The following SCEL variants were observed in gnomAD, a reference collection of about 807,000 sequenced individuals.
SCEL encodes the protein sciellin.
A neutral mutation model predicts 117.6 loss-of-function variants in SCEL; 113 were observed. That is an observed-to-expected ratio of 0.96 (90% CI 0.83 to 1.12). The LOEUF (loss-of-function observed/expected upper bound fraction) is 1.12, where lower values mean the gene tolerates loss of function less well. SCEL is among the 50% of genes most tolerant of loss of function. The probability of loss-of-function intolerance (pLI) is 0.00; values close to 1 mark genes in which losing one functional copy is unlikely to be tolerated. For synonymous variants in SCEL, 270 were observed against 256.2 expected, an observed-to-expected ratio of 1.05 and a Z score of -0.51; for missense variants, 785 against 810.8, an observed-to-expected ratio of 0.97 and a Z score of 0.39.
At chr13:77,634,150 T>G (rs1321097115) in intron 28 of SCEL, among the ~76,000 whole-genome samples, 1 of 152,200 alleles carries the variant, frequency 6.6e-6, no homozygotes, top group African/African-American at 2.4e-5. Flanking sequence ...GATCAAGTTT[T>G]GTAACAATGC....
intron 9 of SCEL, among the ~76,000 whole-genome samples, chr13:77,572,750 T>C (rs890609774): frequency 1.3e-5 from 2 of 152,236 alleles, no homozygotes; most frequent in Non-Finnish European, 2.9e-5. Context: ...TCTGTCCTAC[T>C]ACAGTATGAC....
chr13:77,541,477 C>T (rs76407017), intron 1 of SCEL, among the ~76,000 whole-genome samples: 9,858 of 151,918 alleles, frequency 0.065, 571 homozygotes, highest in African/African-American at 0.16. Flanking sequence ...TTTCACTTCT[C>T]GGATTCATTC....
intron 19 of SCEL, 87 bp from the exon 20 acceptor site, chr13:77,607,969 G>A (rs1594106332): frequency 9.3e-7 from 1 of 1,072,928 alleles, no homozygotes; most frequent in East Asian, 2.4e-5. Flanking sequence ...CTGCTTCTGA[G>A]TTTTAATGAA....
At position 77,614,705 on chromosome 13, in the gene SCEL, C is replaced by G. The variant is rs140421458; in HGVS notation, c.1451+750C>G. Among the ~76,000 whole-genome samples, 1,114 of 152,154 alleles carry G rather than the reference C, an allele frequency of 7.3e-3. 16 individuals carry two copies. The highest frequency in any genetic ancestry group is 0.024 in the African/African-American group (999 of 41,522). ...TTGAATAATTTTGAAAACCAATGTT[C>G]CAGATGAATCTATTTATTTTGCAGA... On this transcript the variant is annotated intron_variant, in intron 24 of 32. Transcript: ENST00000349847.
chr13:77,606,664 A>G (rs1374148866), intron 19 of SCEL: 1 of 152,200 alleles, frequency 6.6e-6, no homozygotes, highest in East Asian at 1.9e-4. Context: ...GGTTCAAAGT[A>G]ATTATTGCTA....
In SCEL at chr13:77,569,529, G is replaced by A. The variant is rs547365860; in HGVS notation, c.479+78G>A. 1.2e-5 allele frequency: 13 copies of A among 1,097,820 alleles called. No homozygotes were observed. The African/African-American group carries it at 1.9e-4, about 16-fold the overall frequency. 68.0% of individuals were successfully genotyped at this position (1,097,820 alleles called of 1,614,324 possible). On this transcript the variant is annotated intron_variant, in intron 8 of 32. Coordinates refer to ENST00000349847, the MANE Select transcript of SCEL (RefSeq NM_144777.3). ...ATTAGAAAGCTTCCTCCTCTTTTTT[G>A]TGGGGATCCAGCATCTACATTCTGC...
chr13:77,607,876 C>T (rs2088335055), intron 19 of SCEL, among the ~76,000 whole-genome samples, 180 bp from the exon 20 acceptor site: 1 of 152,194 alleles, frequency 6.6e-6, no homozygotes, highest in Non-Finnish European at 1.5e-5. Context: ...CAGAGATGTA[C>T]AAATCCCTAC....
intron 9 of SCEL, among the ~76,000 whole-genome samples, chr13:77,584,040 A>G (rs1405974691): frequency 6.6e-6 from 1 of 152,220 alleles, no homozygotes; most frequent in Non-Finnish European, 1.5e-5. Flanking sequence ...GGTGGCATAT[A>G]TCCTGCAGGA....
intron 11 of SCEL, among the ~76,000 whole-genome samples, chr13:77,592,302 C>T (rs1392558995): frequency 6.6e-6 from 1 of 152,188 alleles, no homozygotes; most frequent in Admixed American, 6.5e-5. Context: ...ATTCCCCAAC[C>T]TGTGTTCTAT....
chr13:77,570,850 C>A lies in SCEL; in HGVS notation c.480-1274C>A, dbSNP rs576702666. 8.0e-4 allele frequency among the ~76,000 whole-genome samples: 121 copies of A among 151,882 alleles called. 1 individual carries two copies. Among genetic ancestry groups the A allele is most frequent in the African/African-American group, 2.7e-3 (111 of 41,496 alleles). On this transcript the variant is annotated intron_variant, in intron 8 of 32. Coordinates refer to ENST00000349847, the MANE Select transcript of SCEL (RefSeq NM_144777.3). Reference sequence around the variant, plus strand: ...TCAGAGTTTTCTATCAGTTTCTTTTCTTTTTCTTTTTTCTTTTTCTTTTTT... The same window carrying A: ...TCAGAGTTTTCTATCAGTTTCTTTTATTTTTCTTTTTTCTTTTTCTTTTTT...
intron 1 of SCEL, among the ~76,000 whole-genome samples, chr13:77,537,817 C>T (rs1373935928): frequency 6.6e-6 from 1 of 152,170 alleles, no homozygotes; most frequent in African/African-American, 2.4e-5. Flanking sequence ...ATGAACTGAA[C>T]ACAATTCACG....
In SCEL at chr13:77,569,375, C is replaced by T. The variant is rs1470449965; in HGVS notation, c.403C>T (p.Pro135Ser). ...FRSLEVTKLQ[P>S]GGSLNANTSN... ...GTTGTTCTTGTCATTAAACAGGCAA[C>T]CTGGCGGTTCATTGAATGCCAACAC... The change falls in exon 8 of 33, where the codon CCT (proline) becomes TCT (serine). Residue 135 changes from proline to serine, a missense_variant. Coordinates refer to ENST00000349847, the MANE Select transcript of SCEL (RefSeq NM_144777.3). The T allele has an allele frequency of 6.2e-7, 1 of 1,613,312 alleles. No individual in the cohort carries two copies. Among genetic ancestry groups the T allele is most frequent in the East Asian group, 2.2e-5 (1 of 44,886 alleles).
At chr13:77,612,746 G>A (rs990754623) in intron 22 of SCEL, 145 bp from the exon 23 acceptor site, 2 of 492,126 alleles carry the variant, frequency 4.1e-6, no homozygotes, top group Non-Finnish European at 7.3e-6. Flanking sequence ...ATTGATAGTA[G>A]CCACCTGTTT....
At chr13:77,552,114 C>T (rs943774051) in intron 1 of SCEL, among the ~76,000 whole-genome samples, 16 of 152,134 alleles carry the variant, frequency 1.1e-4, no homozygotes, top group South Asian at 4.2e-4. Context: ...TTTGGGTTGG[C>T]TCCAAGTCTT....
At chr13:77,624,653 G>A (rs914357094) in intron 27 of SCEL, among the ~76,000 whole-genome samples, 2 of 152,188 alleles carry the variant, frequency 1.3e-5, no homozygotes, top group African/African-American at 4.8e-5. Context: ...GTGCAAAAAG[G>A]AAAGAAATAT....
At chr13:77,600,776 T>C (rs1274297249) in intron 15 of SCEL, among the ~76,000 whole-genome samples, 2 of 152,214 alleles carry the variant, frequency 1.3e-5, no homozygotes, top group Non-Finnish European at 2.9e-5. Flanking sequence ...ATCTCTACTA[T>C]TTTTGCCTTC....
At position 77,563,908 on chromosome 13, in the gene SCEL, C is replaced by A. The variant is rs767490217; in HGVS notation, c.290+9C>A. 1.9e-6 allele frequency: 3 copies of A among 1,550,360 alleles called. No homozygotes were observed. The highest frequency in any genetic ancestry group is 2.8e-5 in the African/African-American group (2 of 71,228). On this transcript the variant is annotated intron_variant, in intron 5 of 32. Transcript: ENST00000349847. ...GATGACACTTTGGACAGGTAAGGGG[C>A]TTTTGAACCATATAAATGGAATGCA...
chr13:77,544,182 C>T (rs1302101852), intron 1 of SCEL, among the ~76,000 whole-genome samples: 1 of 152,202 alleles, frequency 6.6e-6, no homozygotes, highest in East Asian at 1.9e-4. Flanking sequence ...TCTCAGCAGT[C>T]AGAATTGAAG....
At chr13:77,605,311 G>T (rs188617835) in intron 19 of SCEL, among the ~76,000 whole-genome samples, 59 of 152,280 alleles carry the variant, frequency 3.9e-4, no homozygotes, top group Middle Eastern at 3.4e-3. Context: ...TATCATGCCT[G>T]CCCTGTTTGT....
Sources: allele counts gnomAD v4.1 joint callset (sites outside exome capture counted in the v4.1 genomes callset), GRCh38; gene constraint gnomAD v4.1.1; transcripts MANE v1.5; gene names NCBI Gene and HGNC (gene_info 2026-07-23, HGNC 2026-07-21).